The following MAP3K7 variants were observed in gnomAD, a reference collection of about 807,000 sequenced individuals.
MAP3K7 encodes the protein TGF-beta activated kinase 1.
Under a neutral mutation model 84.8 loss-of-function variants are expected in MAP3K7, and 21 were observed. The ratio of observed to expected loss-of-function variants is 0.25; its 90% CI spans 0.18 to 0.36. The LOEUF (loss-of-function observed/expected upper bound fraction) is 0.36. Ranked by LOEUF, MAP3K7 falls within the 10% of genes least tolerant of loss-of-function variation. The pLI is 1.00. For synonymous variants in MAP3K7, 241 were observed against 247.7 expected (o/e 0.97, Z 0.25); for missense variants, 503 against 747.7 (o/e 0.67, Z 3.82).
chr6:90,562,009 A>G (rs1776533725), intron 3 of MAP3K7, among the ~76,000 whole-genome samples: 1 of 152,268 alleles, frequency 6.6e-6, no homozygotes, highest in African/African-American at 2.4e-5. Flanking sequence ...CTCTTCCGAT[A>G]CAGTTTTGCT....
chr6:90,546,755 A>T (rs994731165), intron 11 of MAP3K7, among the ~76,000 whole-genome samples: 1 of 152,178 alleles, frequency 6.6e-6, no homozygotes, highest in African/African-American at 2.4e-5. Context: ...TTTATTTTAC[A>T]ATTAAAAAAA....
intron 2 of MAP3K7, 32 bp from the exon 3 acceptor site, chr6:90,568,655 T>C: frequency 6.6e-7 from 1 of 1,525,350 alleles, no homozygotes; most frequent in Non-Finnish European, 9.0e-7. Flanking sequence ...TTTTAAAAAG[T>C]GATAACTTTT....
At chr6:90,582,212 C>T (rs548127718) in intron 1 of MAP3K7, among the ~76,000 whole-genome samples, 14 of 152,262 alleles carry the variant, frequency 9.2e-5, no homozygotes, top group African/African-American at 3.4e-4. Flanking sequence ...ATAATAGAGT[C>T]GACATTAAAA....
At chr6:90,584,801 A>G (rs58529213) in intron 1 of MAP3K7, among the ~76,000 whole-genome samples, 5,287 of 152,254 alleles carry the variant, frequency 0.035, 319 homozygotes, top group African/African-American at 0.12. Context: ...TTCACCACAG[A>G]GCAGACGTAA....
chr6:90,561,955 C>T (rs1582218074), intron 3 of MAP3K7, among the ~76,000 whole-genome samples: 2 of 152,296 alleles, frequency 1.3e-5, no homozygotes, highest in Non-Finnish European at 1.5e-5. Flanking sequence ...ACATCAAAAG[C>T]CTCATAAGAA....
chr6:90,559,625 C>A (rs1029909259), intron 5 of MAP3K7, among the ~76,000 whole-genome samples: 1 of 152,052 alleles, frequency 6.6e-6, no homozygotes, highest in African/African-American at 2.4e-5. Flanking sequence ...CAATTTCTAC[C>A]CAGATGCCAA....
chr6:90,539,067 C>G (rs1377773517), intron 12 of MAP3K7, among the ~76,000 whole-genome samples: 1 of 151,852 alleles, frequency 6.6e-6, no homozygotes, highest in Non-Finnish European at 1.5e-5. Flanking sequence ...AAATGCATAG[C>G]ATGATACACT....
intron 3 of MAP3K7, 109 bp from the exon 4 acceptor site, chr6:90,561,776 T>C: frequency 1.2e-6 from 1 of 802,530 alleles, no homozygotes; most frequent in Non-Finnish European, 2.1e-6. Flanking sequence ...TTAAAAATCA[T>C]TCTTTTGGCC....
intron 13 of MAP3K7, among the ~76,000 whole-genome samples, chr6:90,530,698 A>C (rs1479676389): frequency 6.6e-6 from 1 of 152,210 alleles, no homozygotes; most frequent in African/African-American, 2.4e-5. Context: ...GTATAAAAAA[A>C]CTAAGGAAAT....
At chr6:90,584,750 GTTA>G (rs1016842329) in intron 1 of MAP3K7, among the ~76,000 whole-genome samples, 4 of 152,122 alleles carry the variant, frequency 2.6e-5, no homozygotes, top group South Asian at 2.1e-4. Context: ...TAAAGCACAA[GTTA>G]TTATTATATA....
intron 1 of MAP3K7, among the ~76,000 whole-genome samples, chr6:90,574,869 C>G (rs1777021305): frequency 6.6e-6 from 1 of 152,006 alleles, no homozygotes; most frequent in South Asian, 2.1e-4. Flanking sequence ...TCTAGAACAC[C>G]CTGAAATACA....
intron 1 of MAP3K7, among the ~76,000 whole-genome samples, chr6:90,586,017 C>A (rs530144763): frequency 6.6e-6 from 1 of 152,322 alleles, no homozygotes; most frequent in African/African-American, 2.4e-5. Flanking sequence ...ATTTATTGAG[C>A]ATCCCCTACA....
intron 3 of MAP3K7, among the ~76,000 whole-genome samples, chr6:90,563,164 A>G (rs537900433): frequency 6.6e-6 from 1 of 152,306 alleles, no homozygotes; most frequent in African/African-American, 2.4e-5. Context: ...AAATCAGAGC[A>G]CCTCTTCTCC....
At chr6:90,542,005 A>G (rs1279409734) in intron 12 of MAP3K7, among the ~76,000 whole-genome samples, 1 of 152,060 alleles carries the variant, frequency 6.6e-6, no homozygotes, top group Non-Finnish European at 1.5e-5. Context: ...TTAAAAAGCT[A>G]TATTTAAAAA....
chr6:90,547,847 A>C (rs751931737), intron 10 of MAP3K7, among the ~76,000 whole-genome samples, 200 bp downstream of exon 10: 8 of 152,210 alleles, frequency 5.3e-5, no homozygotes, highest in Non-Finnish European at 1.2e-4. Flanking sequence ...CAAAGGTAGC[A>C]ATCATTAGAA....
intron 13 of MAP3K7, among the ~76,000 whole-genome samples, chr6:90,531,695 G>A (rs986804419): frequency 6.6e-6 from 1 of 152,168 alleles, no homozygotes; most frequent in African/African-American, 2.4e-5. Context: ...GCTCACGACT[G>A]TAATCCTAGC....
rs1263964890 is a variant in MAP3K7, at chr6:90,514,569, A to G, written c.*1932T>C. ...AAATTTCCCTTAAATGTGTTATAAT[A>G]CAGCAAAACACATCAATGACTATAA... is the stretch of plus-strand genomic sequence containing the variant. On this transcript the variant is annotated 3_prime_UTR_variant, in exon 17 of 17. Transcript: ENST00000369329. 2.6e-5 allele frequency: 4 copies of G among 151,992 alleles called. No homozygotes were observed. The highest frequency in any genetic ancestry group is 4.4e-5 in the Non-Finnish European group (3 of 67,946). The allele number at this position is 151,992 out of a possible 1,614,324, so 9.4% of individuals were successfully genotyped here. A position where few individuals can be genotyped will look rare whatever the true frequency, so the allele number is the denominator to read the frequency against.
At chr6:90,575,812 G>C (rs1286550943) in intron 1 of MAP3K7, among the ~76,000 whole-genome samples, 1 of 152,070 alleles carries the variant, frequency 6.6e-6, no homozygotes, top group Non-Finnish European at 1.5e-5. Flanking sequence ...GCTTGATGTT[G>C]AAAGAATAAT....
intron 15 of MAP3K7, 37 bp downstream of exon 15, chr6:90,519,221 A>G: frequency 1.4e-6 from 2 of 1,432,324 alleles, no homozygotes; most frequent in Non-Finnish European, 2.0e-6. Flanking sequence ...CTCTAAGAAG[A>G]AAAAAGTCAA....
Sources: allele counts gnomAD v4.1 joint callset (sites outside exome capture counted in the v4.1 genomes callset), GRCh38; gene constraint gnomAD v4.1.1; transcripts MANE v1.5; gene names NCBI Gene and HGNC (gene_info 2026-07-23, HGNC 2026-07-21).